The following ASB3 variants were observed in gnomAD, a reference collection of about 807,000 sequenced individuals.
ASB3 encodes the protein ankyrin repeat and SOCS box containing 3.
A neutral mutation model predicts 54.5 loss-of-function variants in ASB3; 41 were observed. That is an observed-to-expected ratio of 0.75 (90% CI 0.59 to 0.98). The LOEUF (loss-of-function observed/expected upper bound fraction) is 0.98. ASB3 is among the 50% of genes least tolerant of loss of function. ASB3 has a pLI of 0.00. For synonymous variants in ASB3, 266 were observed against 221.2 expected, an observed-to-expected ratio of 1.20 and a Z score of -1.80; for missense variants, 733 against 620.0, an observed-to-expected ratio of 1.18 and a Z score of -1.94.
chr2:53,738,187 G>A (rs1247947026), intron 3 of ASB3, among the ~76,000 whole-genome samples: 1 of 152,210 alleles, frequency 6.6e-6, no homozygotes, highest in Non-Finnish European at 1.5e-5. Flanking sequence ...AAATTCAGTT[G>A]TGACTTTTAC....
intron 9 of ASB3, among the ~76,000 whole-genome samples, chr2:53,691,988 T>C (rs1047426346): frequency 5.3e-5 from 8 of 152,168 alleles, no homozygotes; most frequent in Non-Finnish European, 1.0e-4. Flanking sequence ...TTTCTCAACC[T>C]CGGCGCTACT....
chr2:53,716,461 G>C, intron 6 of ASB3, 105 bp downstream of exon 6: 7 of 1,392,482 alleles, frequency 5.0e-6, no homozygotes, highest in Non-Finnish European at 6.8e-6. Flanking sequence ...TGGTAGGGAA[G>C]AGAATATCAA....
chr2:53,693,309 A>T (rs1297995243), intron 9 of ASB3, among the ~76,000 whole-genome samples: 4 of 152,130 alleles, frequency 2.6e-5, no homozygotes, highest in Admixed American at 1.3e-4. Context: ...TAGCTTAAAA[A>T]TTTTTTTAAG....
intron 7 of ASB3, among the ~76,000 whole-genome samples, chr2:53,708,240 CCTCCCACACTCACT>C (rs1558529525): frequency 6.6e-6 from 1 of 152,112 alleles, no homozygotes; most frequent in East Asian, 1.9e-4. Flanking sequence ...GTGTGTGGCA[CCTCCCACACTCACT>C]CTCTTGCTCC....
chr2:53,773,292 A>T (rs995900981), intron 1 of ASB3, among the ~76,000 whole-genome samples: 27 of 150,408 alleles, frequency 1.8e-4, no homozygotes, highest in East Asian at 1.9e-4. Flanking sequence ...TTAAAAAAAA[A>T]TTTTTTTAAG....
At chr2:53,771,448 G>A (rs1344607032) in intron 1 of ASB3, among the ~76,000 whole-genome samples, 1 of 152,156 alleles carries the variant, frequency 6.6e-6, no homozygotes, top group African/African-American at 2.4e-5. Context: ...GAGAGTTGGA[G>A]GTTGCAGTGA....
chr2:53,735,537 C>A (rs1331550735), intron 3 of ASB3, among the ~76,000 whole-genome samples: 1 of 147,560 alleles, frequency 6.8e-6, no homozygotes, highest in East Asian at 2.0e-4. Flanking sequence ...TAAAGATTCA[C>A]TATTTTAAAA....
chr2:53,729,471 T>A lies in ASB3; in HGVS notation c.455A>T (p.Gln152Leu). ...HSMCGWNSLH[Q>L]ASFQENAEII... ...TTCAGAGGTTACCTGAAAAGAAGCC[T>A]GGTGCAAGGAGTTCCATCCACACAT... Residue 152 changes from glutamine to leucine, a missense_variant, in exon 4 of 10, where the codon CAG becomes CTG. Physicochemically the swap from Gln to Leu is moderately radical, Grantham distance 113. Coordinates refer to ENST00000263634, the MANE Select transcript of ASB3 (RefSeq NM_016115.5). 6.2e-7 allele frequency: 1 copy of A among 1,613,846 alleles called. No individual in the cohort carries two copies. The highest frequency in any genetic ancestry group is 8.5e-7 in the Non-Finnish European group (1 of 1,179,784).
chr2:53,701,186 G>A (rs534405533), intron 7 of ASB3, among the ~76,000 whole-genome samples: 3 of 151,880 alleles, frequency 2.0e-5, no homozygotes, highest in African/African-American at 7.3e-5. Flanking sequence ...TGTTGCCCAG[G>A]CTGGTCTCAA....
At chr2:53,784,848 G>A (rs1414433768) in intron 1 of ASB3, among the ~76,000 whole-genome samples, 1 of 152,208 alleles carries the variant, frequency 6.6e-6, no homozygotes, top group African/African-American at 2.4e-5. Flanking sequence ...ACTTAAACAT[G>A]TCTTTTTGGG....
intron 3 of ASB3, among the ~76,000 whole-genome samples, chr2:53,737,667 G>A (rs1671715575): frequency 2.0e-5 from 3 of 150,822 alleles, no homozygotes; most frequent in Admixed American, 1.3e-4. Context: ...GAGAGGAAGG[G>A]GAAGGATGTC....
chr2:53,718,225 G>C (rs1277681876), intron 5 of ASB3, among the ~76,000 whole-genome samples: 1 of 152,082 alleles, frequency 6.6e-6, no homozygotes, highest in Non-Finnish European at 1.5e-5. Flanking sequence ...ATGGCATACA[G>C]TCACCAGACT....
At chr2:53,687,082 A>G (rs1668671550) in intron 9 of ASB3, among the ~76,000 whole-genome samples, 1 of 152,200 alleles carries the variant, frequency 6.6e-6, no homozygotes, top group African/African-American at 2.4e-5. Flanking sequence ...TTTAACAGCA[A>G]AATGTCCCAG....
At chr2:53,683,836 T>C (rs1668502842) in intron 9 of ASB3, among the ~76,000 whole-genome samples, 1 of 152,174 alleles carries the variant, frequency 6.6e-6, no homozygotes, top group East Asian at 1.9e-4. Flanking sequence ...CTGATTTTAT[T>C]TGGATCTTTT....
intron 9 of ASB3, among the ~76,000 whole-genome samples, chr2:53,680,873 C>T (rs1045618218): frequency 3.9e-5 from 6 of 151,982 alleles, no homozygotes; most frequent in African/African-American, 1.5e-4. Flanking sequence ...ACCAACCATC[C>T]CCACCTCTCA....
At chr2:53,714,982 T>C (rs1310228525) in intron 6 of ASB3, among the ~76,000 whole-genome samples, 2 of 152,160 alleles carry the variant, frequency 1.3e-5, no homozygotes. Flanking sequence ...GAAAATGCAC[T>C]ATTTTCCTTC....
chr2:53,707,731 G>C (rs1004491732), intron 7 of ASB3, among the ~76,000 whole-genome samples: 34 of 151,844 alleles, frequency 2.2e-4, no homozygotes, highest in Non-Finnish European at 1.9e-4. Flanking sequence ...GGAGGTGAAG[G>C]GGGGCAGATC....
At chr2:53,706,300 C>G (rs1317958674) in intron 7 of ASB3, among the ~76,000 whole-genome samples, 1 of 152,140 alleles carries the variant, frequency 6.6e-6, no homozygotes, top group African/African-American at 2.4e-5. Flanking sequence ...ATTATTGATT[C>G]ATTAATTCAC....
chr2:53,728,109 CTGGTGTTTGGG>C (rs1671109663), intron 5 of ASB3, among the ~76,000 whole-genome samples: 1 of 152,040 alleles, frequency 6.6e-6, no homozygotes, highest in African/African-American at 2.4e-5. Flanking sequence ...AAGAGCATAT[CTGGTGTTTGGG>C]AGAGATTTAA....
Sources: gnomAD v4.1 joint callset for allele counts (sites outside exome capture counted in the v4.1 genomes callset) on GRCh38, gnomAD v4.1.1 for gene constraint, MANE v1.5 for transcripts, NCBI Gene and HGNC (gene_info 2026-07-23, HGNC 2026-07-21) for gene names.